ADGRG2: variants seen among roughly 807,000 people sequenced by gnomAD.
ADGRG2 encodes the protein G protein-coupled receptor 64.
In ADGRG2, 26 loss-of-function variants were observed where a neutral mutation model predicts 74.1. The ratio of observed to expected loss-of-function variants is 0.35; its 90% CI spans 0.26 to 0.49. The LOEUF is 0.49. Among genes scored for constraint, ADGRG2 ranks in the 20% least tolerant of loss-of-function variants. ADGRG2 has a pLI of 0.99. For missense variants in ADGRG2, 619 were observed against 763.1 expected (o/e 0.81, Z 2.22); for synonymous variants, 296 against 295.2 (o/e 1.00, Z -0.03).
At chrX:19,052,923 G>C (rs1308059556) in intron 3 of ADGRG2, among the ~76,000 whole-genome samples, 2 of 111,417 alleles carry the variant, frequency 1.8e-5, no homozygotes, top group African/African-American at 3.3e-5. Flanking sequence ...TCGAACTCCT[G>C]ACCTCAGGTG....
chrX:19,069,129 A>G (rs1336047475), intron 2 of ADGRG2, among the ~76,000 whole-genome samples: 1 of 112,197 alleles, frequency 8.9e-6, no homozygotes, highest in African/African-American at 3.2e-5. Context: ...AAAACACAAA[A>G]TGTTACATCA....
rs182652436 is a variant in ADGRG2, at chrX:19,060,455, G to A, written c.118+8262C>T. 3.1e-3 allele frequency among the ~76,000 whole-genome samples: 339 copies of A among 110,782 alleles called. 2 individuals carry two copies. The highest frequency in any genetic ancestry group is 0.011 in the African/African-American group (325 of 30,464). On this transcript the variant is annotated intron_variant, in intron 3 of 28. Transcript: ENST00000379869. Reference sequence around the variant, plus strand: ...AGTGGTTCTCGGTTCTGCTAGCATCGCTTGGGGTATTTTGAAGAACCCCAA... The same window carrying A: ...AGTGGTTCTCGGTTCTGCTAGCATCACTTGGGGTATTTTGAAGAACCCCAA...
intron 1 of ADGRG2, among the ~76,000 whole-genome samples, chrX:19,121,877 C>A (rs950588067): frequency 8.9e-6 from 1 of 111,752 alleles, no homozygotes; most frequent in Non-Finnish European, 1.9e-5. Context: ...TCCGAGACCA[C>A]GAGCCCCCTC....
intron 1 of ADGRG2, among the ~76,000 whole-genome samples, chrX:19,085,989 G>T (rs1422379470): frequency 9.0e-6 from 1 of 111,413 alleles, no homozygotes; most frequent in Non-Finnish European, 1.9e-5. Flanking sequence ...TCCCAGCCAG[G>T]GAGCAGGAAC....
chrX:18,994,585 C>T (rs2059983061), intron 28 of ADGRG2, among the ~76,000 whole-genome samples: 1 of 111,923 alleles, frequency 8.9e-6, no homozygotes, highest in African/African-American at 3.2e-5. Flanking sequence ...ACTGCTCTCA[C>T]AGAAATAGCA....
Position 18,990,940 on chromosome X carries a change from G to A in ADGRG2, c.2978C>T (p.Ser993Phe). The A allele has an allele frequency of 8.3e-7, 1 of 1,205,326 alleles. No individual in the cohort carries two copies. The highest frequency in any genetic ancestry group is 1.1e-6 in the Non-Finnish European group (1 of 889,913). ...AGCCATACGGCCTTTCCCATTGCAG[G>A]AATCTTCCTTCTCGTTAAACATGTG... ...KQHMFNEKED[S>F]CNGKGRMALR... Residue 993 changes from serine (S) to phenylalanine (F), a missense_variant, in exon 29 of 29, where the codon TCC becomes TTC. Physicochemically the swap from Ser to Phe is radical, Grantham distance 155. Around this residue, in one of 3 missense-constraint regions of ADGRG2, gnomAD observed 106 missense variants for 104.5 expected, o/e 1.01. Coordinates refer to ENST00000379869, the MANE Select transcript of ADGRG2 (RefSeq NM_001079858.3).
At chrX:19,071,930 C>G (rs1018899391) in intron 2 of ADGRG2, among the ~76,000 whole-genome samples, 3 of 110,278 alleles carry the variant, frequency 2.7e-5, no homozygotes, top group African/African-American at 9.9e-5. Flanking sequence ...GTGGAGTTGA[C>G]TTAGATTTAA....
At chrX:19,043,503 C>A (rs903222261) in intron 3 of ADGRG2, among the ~76,000 whole-genome samples, 2 of 112,122 alleles carry the variant, frequency 1.8e-5, no homozygotes, top group Non-Finnish European at 3.8e-5. Context: ...TCCTTTGGAA[C>A]CTACAAAGAG....
At chrX:19,007,168 G>A (rs1569365387) in intron 20 of ADGRG2, 67 bp downstream of exon 20, 2 of 1,129,026 alleles carry the variant, frequency 1.8e-6, no homozygotes, top group East Asian at 6.0e-5. Context: ...TGCCGGCCAT[G>A]CCTTACAAGC....
chrX:19,049,455 T>TTTTTG (rs1328733136), intron 3 of ADGRG2, among the ~76,000 whole-genome samples: 16 of 90,997 alleles, frequency 1.8e-4, no homozygotes, highest in Middle Eastern at 5.2e-3. Context: ...TTTTTTTTTT[T>TTTTTG]TTGTTGTTGT....
chrX:19,110,500 T>C (rs1204819092), intron 1 of ADGRG2, among the ~76,000 whole-genome samples: 2 of 109,657 alleles, frequency 1.8e-5, no homozygotes, highest in Non-Finnish European at 3.8e-5. Flanking sequence ...CTGGCCAACA[T>C]GGCAAAACCC....
chrX:19,107,100 T>C (rs901188389), intron 1 of ADGRG2, among the ~76,000 whole-genome samples: 7 of 111,253 alleles, frequency 6.3e-5, no homozygotes, highest in African/African-American at 2.3e-4. Flanking sequence ...GAGGCAGCTA[T>C]GTTCTAAAGC....
At chrX:19,086,210 A>G (rs2061933518) in intron 1 of ADGRG2, among the ~76,000 whole-genome samples, 1 of 111,557 alleles carries the variant, frequency 9.0e-6, no homozygotes, top group Admixed American at 9.5e-5. Context: ...CTTCAGTGAC[A>G]AAACATAGTG....
intron 1 of ADGRG2, among the ~76,000 whole-genome samples, chrX:19,096,093 C>A (rs1460044754): frequency 9.0e-6 from 1 of 111,238 alleles, no homozygotes; most frequent in African/African-American, 3.3e-5. Flanking sequence ...CTCCCAGGTT[C>A]TCATTGGAAA....
At chrX:19,034,126 C>T (rs1159232315) in intron 7 of ADGRG2, 1 of 113,013 alleles carries the variant, frequency 8.8e-6, no homozygotes, top group Non-Finnish European at 1.8e-5. Context: ...TAGGAGTTAA[C>T]ATAATACTAT....
At chrX:19,056,355 G>A (rs990140165) in intron 3 of ADGRG2, among the ~76,000 whole-genome samples, 1 of 111,915 alleles carries the variant, frequency 8.9e-6, no homozygotes, top group Non-Finnish European at 1.9e-5. Context: ...AAGTCAGGCA[G>A]TCAGCATGAA....
Position 18,996,112 on chromosome X carries a change from A to G in ADGRG2, c.2655T>C (p.Asn885=). 3 of 1,185,263 alleles carry G rather than the reference A, an allele frequency of 2.5e-6. No homozygotes were observed. Among genetic ancestry groups the G allele is most frequent in the South Asian group, 1.8e-5 (1 of 56,042 alleles). ...IFIFYCVAKE[N]VRKQWRRYLC... is the part of the protein sequence containing the mutation. ...GATACCGCCTCCATTGCTTCCTGAC[A>G]TTTTCTTTGGCCACACAGTAAAAGA... Residue 885 remains asparagine (N), a synonymous_variant, in exon 27 of 29, where the codon AAT becomes AAC. Transcript: ENST00000379869.
chrX:19,058,891 T>C (rs938292812), intron 3 of ADGRG2, among the ~76,000 whole-genome samples: 1 of 112,737 alleles, frequency 8.9e-6, no homozygotes, highest in Non-Finnish European at 1.9e-5. Flanking sequence ...TCTCTTGGAA[T>C]ATCAACTTAA....
chrX:19,021,360 G>A (rs1402100739), intron 13 of ADGRG2, 162 bp from the exon 14 acceptor site: 5 of 497,034 alleles, frequency 1.0e-5, no homozygotes, highest in African/African-American at 2.3e-5. Context: ...ACCACGGTCT[G>A]AATTTTACCC....
Sources: allele counts gnomAD v4.1 joint callset (sites outside exome capture counted in the v4.1 genomes callset), GRCh38; gene constraint gnomAD v4.1.1; regional missense constraint gnomAD v4.1.1; transcripts MANE v1.5; gene names NCBI Gene and HGNC (gene_info 2026-07-23, HGNC 2026-07-21).